Variants in AUTS2 observed in about 807,000 individuals in gnomAD.
AUTS2 encodes activator of transcription and developmental regulator AUTS2.
In AUTS2, 17 loss-of-function variants were observed where a neutral mutation model predicts 112.4. The ratio of observed to expected loss-of-function variants is 0.15; its 90% CI spans 0.10 to 0.23. AUTS2 has a LOEUF of 0.23. Ranked by LOEUF, AUTS2 falls within the 10% of genes least tolerant of loss-of-function variation. AUTS2 has a pLI of 1.00. For synonymous variants in AUTS2, 751 were observed against 702.7 expected (o/e 1.07, Z -1.09); for missense variants, 1,510 against 1,701.6 (o/e 0.89, Z 1.98).
rs201464894 is a variant in AUTS2 at position 69,972,670 on chromosome 7, C to T, written c.522+73172C>T. ...GTTTTTCTTTGTGTGTGTGTGCGTG[C>T]ATGTGTGTGTGTGTGTGTGTGTGTG... On this transcript the variant is annotated intron_variant, in intron 2 of 18. Transcript: ENST00000342771. Among the ~76,000 whole-genome samples, 416 of 111,642 alleles carry T rather than the reference C, an allele frequency of 3.7e-3. 1 individual carries two copies. Among genetic ancestry groups the T allele is most frequent in the South Asian group, 6.5e-3 (20 of 3,086 alleles). 73.2% of individuals were successfully genotyped at this position (111,642 alleles called of 152,430 possible).
intron 5 of AUTS2, among the ~76,000 whole-genome samples, chr7:70,510,909 C>A (rs537953157): frequency 6.6e-5 from 10 of 152,040 alleles, no homozygotes; most frequent in South Asian, 6.2e-4. Flanking sequence ...AGTGCGATGG[C>A]GCGATCTTGG....
intron 5 of AUTS2, among the ~76,000 whole-genome samples, chr7:70,671,605 A>T (rs1014366708): frequency 6.6e-6 from 1 of 152,212 alleles, no homozygotes; most frequent in Non-Finnish European, 1.5e-5. Flanking sequence ...TCTGCTTTGC[A>T]AGAGACCAGG....
chr7:69,895,549 C>A (rs574751097), intron 1 of AUTS2, among the ~76,000 whole-genome samples: 20 of 142,446 alleles, frequency 1.4e-4, no homozygotes, highest in Non-Finnish European at 2.3e-4. Flanking sequence ...TTCTTCCCCC[C>A]CCCCGAGTGG....
intron 4 of AUTS2, among the ~76,000 whole-genome samples, chr7:70,265,256 C>T (rs1341880642): frequency 6.6e-6 from 1 of 152,190 alleles, no homozygotes; most frequent in Non-Finnish European, 1.5e-5. Flanking sequence ...GTTTTGTAGA[C>T]AGCCACAGTT....
chr7:70,288,909 C>A lies in AUTS2; in HGVS notation c.661-146843C>A, dbSNP rs112500866. Among the ~76,000 whole-genome samples the A allele has an allele frequency of 2.4e-4, 37 of 152,272 alleles. 1 individual carries two copies. The highest frequency in any genetic ancestry group is 7.9e-4 in the African/African-American group (33 of 41,558). ...TCACTCATTTATACTAAGCGTAATA[C>A]ATCATGAATGATTTAGAGATAATGC... On this transcript the variant is annotated intron_variant, in intron 4 of 18. Coordinates refer to ENST00000342771, the MANE Select transcript of AUTS2 (RefSeq NM_015570.4).
chr7:70,359,328 T>A (rs1277413536), intron 4 of AUTS2, among the ~76,000 whole-genome samples: 3 of 152,224 alleles, frequency 2.0e-5, no homozygotes, highest in Non-Finnish European at 4.4e-5. Flanking sequence ...TAATTTACTC[T>A]CCCTTCAAAT....
In AUTS2 at chr7:70,239,057, C is replaced by T. The variant is rs138260378; in HGVS notation, c.660+104486C>T. Reference sequence around the variant, plus strand: ...AGCAGATAGTTTCGTTGAGCAGATACTATTTGATGTCCTTTAATCATCAGA... The same window carrying T: ...AGCAGATAGTTTCGTTGAGCAGATATTATTTGATGTCCTTTAATCATCAGA... On this transcript the variant is annotated intron_variant, in intron 4 of 18. Coordinates refer to ENST00000342771, the MANE Select transcript of AUTS2 (RefSeq NM_015570.4). Among the ~76,000 whole-genome samples the T allele has an allele frequency of 8.6e-3, 1,313 of 152,324 alleles. 12 individuals carry two copies. Among genetic ancestry groups the T allele is most frequent in the Middle Eastern group, 0.02 (6 of 294 alleles).
At chr7:69,664,378 G>A (rs1289713183) in intron 1 of AUTS2, among the ~76,000 whole-genome samples, 1 of 152,170 alleles carries the variant, frequency 6.6e-6, no homozygotes, top group Non-Finnish European at 1.5e-5. Flanking sequence ...AAAAAAATGA[G>A]TTTTGCCTAC....
intron 6 of AUTS2, among the ~76,000 whole-genome samples, chr7:70,732,273 G>A (rs936054616): frequency 6.6e-6 from 1 of 152,058 alleles, no homozygotes; most frequent in Admixed American, 6.6e-5. Context: ...AGATTGGTTC[G>A]TGCATCAGAA....
chr7:69,647,159 G>T (rs537612811), intron 1 of AUTS2, among the ~76,000 whole-genome samples: 1 of 152,198 alleles, frequency 6.6e-6, no homozygotes, highest in East Asian at 1.9e-4. Flanking sequence ...AGGTATTTGA[G>T]TTAGCGTTTC....
At chr7:70,441,524 T>C (rs945599738) in intron 5 of AUTS2, among the ~76,000 whole-genome samples, 1 of 152,176 alleles carries the variant, frequency 6.6e-6, no homozygotes, top group Non-Finnish European at 1.5e-5. Context: ...TAGCTGGGAC[T>C]ACAGGTGTGT....
At chr7:70,619,851 A>T (rs1195315646) in intron 5 of AUTS2, among the ~76,000 whole-genome samples, 2 of 152,068 alleles carry the variant, frequency 1.3e-5, no homozygotes, top group African/African-American at 4.8e-5. Flanking sequence ...GTTGCTAATG[A>T]CACAATCTCC....
chr7:70,238,033 A>G (rs1304585813), intron 4 of AUTS2, among the ~76,000 whole-genome samples: 1 of 152,202 alleles, frequency 6.6e-6, no homozygotes, highest in Non-Finnish European at 1.5e-5. Flanking sequence ...TTAAAATGCA[A>G]TAATCTCCTA....
chr7:70,524,502 C>T lies in AUTS2; in HGVS notation c.690+88721C>T, dbSNP rs751691652. Among the ~76,000 whole-genome samples the T allele has an allele frequency of 3.2e-4, 49 of 152,304 alleles. No homozygotes were observed. In the Middle Eastern group the frequency reaches 0.01, roughly 32 times the overall value. ...CTACATTAACTGGTGGAAGAGCTCT[C>T]AGTTGCATTAAGCTCCCTGGCAGAA... On this transcript the variant is annotated intron_variant, in intron 5 of 18. Transcript: ENST00000342771.
chr7:69,625,800 G>A (rs1007524019), intron 1 of AUTS2, among the ~76,000 whole-genome samples: 28 of 152,152 alleles, frequency 1.8e-4, no homozygotes, highest in African/African-American at 6.3e-4. Flanking sequence ...TGAAGCTGCA[G>A]TAAGCTGGGA....
chr7:70,775,212 GTTAA>G (rs1240474250), intron 12 of AUTS2, 141 bp from the exon 13 acceptor site: 5 of 711,848 alleles, frequency 7.0e-6, no homozygotes, highest in Non-Finnish European at 1.2e-5. Flanking sequence ...GTGAAAATGG[GTTAA>G]TTATTCTCTA....
intron 2 of AUTS2, among the ~76,000 whole-genome samples, chr7:69,956,643 T>C (rs898785651): frequency 1.4e-4 from 22 of 152,148 alleles, no homozygotes; most frequent in Admixed American, 2.6e-4. Context: ...TAAATGTTGC[T>C]GTTACTTAAT....
At chr7:70,724,271 A>G (rs1786877924) in intron 6 of AUTS2, among the ~76,000 whole-genome samples, 1 of 152,074 alleles carries the variant, frequency 6.6e-6, no homozygotes, top group Admixed American at 6.6e-5. Flanking sequence ...AGTTACTTTC[A>G]TATGTGCTTA....
chr7:69,810,026 A>G (rs1462835526), intron 1 of AUTS2, among the ~76,000 whole-genome samples: 1 of 152,180 alleles, frequency 6.6e-6, no homozygotes, highest in African/African-American at 2.4e-5. Flanking sequence ...TTCAGCATCC[A>G]GATAAAGCCC....
Sources: allele counts gnomAD v4.1 joint callset (sites outside exome capture counted in the v4.1 genomes callset), GRCh38; gene constraint gnomAD v4.1.1; transcripts MANE v1.5; gene names NCBI Gene and HGNC (gene_info 2026-07-23, HGNC 2026-07-21).